The following ALDH1A1 variants were observed in gnomAD, a reference collection of about 807,000 sequenced individuals.
The protein encoded by ALDH1A1 is aldehyde dehydrogenase 1 family member A1.
A neutral mutation model predicts 62.1 loss-of-function variants in ALDH1A1; 19 were observed. The ratio of observed to expected loss-of-function variants is 0.31; its 90% CI spans 0.21 to 0.45. The LOEUF (loss-of-function observed/expected upper bound fraction) is 0.45, where lower values mean the gene tolerates loss of function less well. Ranked by LOEUF, ALDH1A1 falls within the 20% of genes least tolerant of loss-of-function variation. The pLI, the probability that ALDH1A1 is intolerant of heterozygous loss-of-function variation, is 1.00. For synonymous variants in ALDH1A1, 231 were observed against 215.9 expected (o/e 1.07, Z -0.61); for missense variants, 521 against 607.1 (o/e 0.86, Z 1.49).
chr9:72,937,195 T>C lies in ALDH1A1; in HGVS notation c.171+2953A>G, dbSNP rs143387704. ...TCATAGATTTATAGAATATACTATA[T>C]CTATAGTATAGTATATCTATCGAAT... is the stretch of plus-strand genomic sequence containing the variant. On this transcript the variant is annotated intron_variant, in intron 2 of 12. Transcript: ENST00000297785. 1.8e-4 allele frequency among the ~76,000 whole-genome samples: 27 copies of C among 152,282 alleles called. No homozygotes were observed. In the East Asian group the frequency reaches 5.2e-3, roughly 29 times the overall value.
chr9:72,937,626 A>G (rs565628023), intron 2 of ALDH1A1, among the ~76,000 whole-genome samples: 1 of 152,302 alleles, frequency 6.6e-6, no homozygotes, highest in African/African-American at 2.4e-5. Context: ...GGTCCTGAGG[A>G]CTACACTGTG....
chr9:72,916,916 T>A lies in ALDH1A1; in HGVS notation c.1035+4A>T. 1 of 1,601,070 alleles carries A rather than the reference T, an allele frequency of 6.2e-7. No individual in the cohort carries two copies. Reference sequence around the variant, plus strand: ...AAATGCTATCCTTTCTATTTTATACTTACCTGAGGGCCTTGAGTGACTCCT... The same window carrying A: ...AAATGCTATCCTTTCTATTTTATACATACCTGAGGGCCTTGAGTGACTCCT... On this transcript the variant is annotated splice_donor_region_variant and intron_variant, in intron 9 of 12. Coordinates refer to ENST00000297785, the MANE Select transcript of ALDH1A1 (RefSeq NM_000689.5).
chr9:72,944,580 T>C (rs1563917631), intron 1 of ALDH1A1, among the ~76,000 whole-genome samples: 1 of 152,100 alleles, frequency 6.6e-6, no homozygotes, highest in Non-Finnish European at 1.5e-5. Flanking sequence ...ATAGTTATAT[T>C]AATGGTTATA....
intron 6 of ALDH1A1, among the ~76,000 whole-genome samples, chr9:72,924,761 C>T (rs1442613988): frequency 6.6e-6 from 1 of 152,162 alleles, no homozygotes; most frequent in African/African-American, 2.4e-5. Flanking sequence ...TCTCTTTTCC[C>T]TGTTTTTAAT....
chr9:72,941,641 C>A (rs915131362), intron 1 of ALDH1A1, among the ~76,000 whole-genome samples: 5 of 152,102 alleles, frequency 3.3e-5, no homozygotes, highest in Non-Finnish European at 7.4e-5. Flanking sequence ...GAATAACTAA[C>A]TTAATTGAAT....
At chr9:72,928,823 A>C in intron 4 of ALDH1A1, 69 bp downstream of exon 4, 1 of 1,418,440 alleles carries the variant, frequency 7.1e-7, no homozygotes, top group Non-Finnish European at 9.3e-7. Flanking sequence ...GAGAGTTTGA[A>C]ATTATTCAGC....
At chr9:72,935,334 T>C (rs1034239039) in intron 2 of ALDH1A1, among the ~76,000 whole-genome samples, 2 of 152,156 alleles carry the variant, frequency 1.3e-5, no homozygotes, top group Non-Finnish European at 2.9e-5. Flanking sequence ...CTTATAGCAC[T>C]GAAAATGCTC....
intron 11 of ALDH1A1, among the ~76,000 whole-genome samples, chr9:72,909,039 A>T (rs751409439): frequency 1.3e-4 from 19 of 151,846 alleles, no homozygotes; most frequent in Non-Finnish European, 2.5e-4. Context: ...CTCAGAAATT[A>T]CTTGGCAATT....
At chr9:72,903,694 A>G (rs903670732) in intron 12 of ALDH1A1, among the ~76,000 whole-genome samples, 2 of 151,160 alleles carry the variant, frequency 1.3e-5, no homozygotes, top group Admixed American at 6.6e-5. Context: ...GAAATTACTG[A>G]TGGTTGATTC....
rs1214979086 is a variant in ALDH1A1, at chr9:72,927,136, C to T, written c.484G>A (p.Val162Ile). The T allele has an allele frequency of 3.1e-6, 5 of 1,607,980 alleles. No homozygotes were observed. The highest frequency in any genetic ancestry group is 4.2e-6 in the Non-Finnish European group (5 of 1,176,900). ...FTYTRHEPIG[V>I]CGQIIPWNFP... ...CTTACAGGAATGATTTGGCCACATA[C>T]ACCAATAGGTTCATGTCTTGTATAT... Residue 162 changes from valine (V) to isoleucine (I), a missense_variant, in exon 5 of 13, where the codon GTA becomes ATA. Val to Ile is a conservative substitution (Grantham distance 29, BLOSUM62 3). Coordinates refer to ENST00000297785, the MANE Select transcript of ALDH1A1 (RefSeq NM_000689.5).
At chr9:72,931,390 G>A (rs889423981) in intron 2 of ALDH1A1, among the ~76,000 whole-genome samples, 3 of 152,182 alleles carry the variant, frequency 2.0e-5, no homozygotes, top group African/African-American at 7.2e-5. Flanking sequence ...CTGTTTTACA[G>A]ATGAAGAAAC....
At chr9:72,912,631 G>A (rs567352059) in intron 9 of ALDH1A1, among the ~76,000 whole-genome samples, 37 of 152,146 alleles carry the variant, frequency 2.4e-4, no homozygotes, top group African/African-American at 8.4e-4. Context: ...TGACCTGTCC[G>A]ATGCCCTTGG....
intron 1 of ALDH1A1, 36 bp downstream of exon 1, chr9:72,952,899 A>G (rs370929540): frequency 5.6e-6 from 9 of 1,607,590 alleles, no homozygotes; most frequent in Admixed American, 3.4e-5. Flanking sequence ...GTTTTTGCAA[A>G]CCCGAGTCAA....
rs528951468 is a variant in ALDH1A1 at position 72,911,159 on chromosome 9, T to C, written c.1200+799A>G. ...ATATATGTATACAGACACACATATA[T>C]ACACTCACCAAACACTTAACTGCAA... On this transcript the variant is annotated intron_variant, in intron 10 of 12. Coordinates refer to ENST00000297785, the MANE Select transcript of ALDH1A1 (RefSeq NM_000689.5). Among the ~76,000 whole-genome samples, 102 of 152,192 alleles carry C rather than the reference T, an allele frequency of 6.7e-4. 1 individual carries two copies. The South Asian group carries it at 0.019, about 29-fold the overall frequency.
At chr9:72,901,384 G>C in intron 12 of ALDH1A1, 104 bp from the exon 13 acceptor site, 3 of 726,028 alleles carry the variant, frequency 4.1e-6, no homozygotes, top group Non-Finnish European at 6.8e-6. Flanking sequence ...ACTGGCTAGG[G>C]ACAATAGAAA....
chr9:72,903,051 C>G (rs906637311), intron 12 of ALDH1A1, among the ~76,000 whole-genome samples: 1 of 151,500 alleles, frequency 6.6e-6, no homozygotes, highest in Non-Finnish European at 1.5e-5. Context: ...TAAGTAGGCA[C>G]AGAAGAACTG....
At chr9:72,947,113 G>A (rs1563918321) in intron 1 of ALDH1A1, among the ~76,000 whole-genome samples, 1 of 151,924 alleles carries the variant, frequency 6.6e-6, no homozygotes, top group Non-Finnish European at 1.5e-5. Flanking sequence ...AGTCAGGCAG[G>A]TGCCAGAAAA....
intron 9 of ALDH1A1, among the ~76,000 whole-genome samples, chr9:72,915,991 G>A (rs1312021903): frequency 6.6e-6 from 1 of 152,160 alleles, no homozygotes; most frequent in Non-Finnish European, 1.5e-5. Flanking sequence ...CTAGACTCCA[G>A]AGCAGGATTT....
At chr9:72,937,586 C>T (rs1031093640) in intron 2 of ALDH1A1, among the ~76,000 whole-genome samples, 13 of 152,138 alleles carry the variant, frequency 8.5e-5, no homozygotes, top group African/African-American at 2.2e-4. Context: ...TGAAAATCTA[C>T]GCTCTTACTA....
Sources: gnomAD v4.1 joint callset for allele counts (sites outside exome capture counted in the v4.1 genomes callset) on GRCh38, gnomAD v4.1.1 for gene constraint, MANE v1.5 for transcripts, NCBI Gene and HGNC (gene_info 2026-07-23, HGNC 2026-07-21) for gene names.